Variants in FRMD4B observed in about 807,000 individuals in gnomAD.
The protein encoded by FRMD4B is FERM domain containing 4B.
A neutral mutation model predicts 141.5 loss-of-function variants in FRMD4B; 74 were observed. The ratio of observed to expected loss-of-function variants is 0.52; its 90% CI spans 0.43 to 0.63. FRMD4B has a LOEUF of 0.63. FRMD4B is among the 30% of genes least tolerant of loss of function. The probability of loss-of-function intolerance (pLI) is 0.00; values close to 1 mark genes in which losing one functional copy is unlikely to be tolerated. For missense variants in FRMD4B, 1,366 were observed against 1,253.4 expected (o/e 1.09, Z -1.36); for synonymous variants, 506 against 467.9 (o/e 1.08, Z -1.05).
At chr3:69,450,699 A>G (rs992951151) in intron 1 of FRMD4B, among the ~76,000 whole-genome samples, 1 of 151,646 alleles carries the variant, frequency 6.6e-6, no homozygotes, top group South Asian at 2.1e-4. Flanking sequence ...AGTTGCAGTG[A>G]GCCAAGATTG....
intron 1 of FRMD4B, among the ~76,000 whole-genome samples, chr3:69,533,050 G>T (rs907840567): frequency 6.6e-6 from 1 of 152,214 alleles, no homozygotes; most frequent in Non-Finnish European, 1.5e-5. Context: ...TATTTGAGGG[G>T]CAGTTTTACA....
At chr3:69,419,515 TTCACTGGC>T (rs58014530) in intron 2 of FRMD4B, among the ~76,000 whole-genome samples, 1 of 151,592 alleles carries the variant, frequency 6.6e-6, no homozygotes, top group African/African-American at 2.4e-5. Context: ...TCAGTTATCC[TTCACTGGC>T]TCACTGGCTA....
At chr3:69,291,188 G>A (rs1700860900) in intron 4 of FRMD4B, among the ~76,000 whole-genome samples, 1 of 152,156 alleles carries the variant, frequency 6.6e-6, no homozygotes, top group African/African-American at 2.4e-5. Flanking sequence ...TCCTAGGTCA[G>A]ATTAGTAGAA....
chr3:69,205,162 T>TC lies in FRMD4B; in HGVS notation c.877-6389dup, dbSNP rs540232131. Among the ~76,000 whole-genome samples the TC allele has an allele frequency of 2.8e-3, 408 of 146,332 alleles. 1 individual carries two copies. Among genetic ancestry groups the TC allele is most frequent in the African/African-American group, 9.6e-3 (379 of 39,546 alleles). ...CAGCCATTTGCGGGATAGGACTGAG[T>TC]CCCCCCCCTTTTTTTTTTGTATGAG... On this transcript the variant is annotated intron_variant, in intron 11 of 22. Coordinates refer to ENST00000398540, the MANE Select transcript of FRMD4B (RefSeq NM_015123.3).
intron 1 of FRMD4B, among the ~76,000 whole-genome samples, chr3:69,490,558 C>A (rs530264915): frequency 8.0e-4 from 122 of 152,294 alleles, no homozygotes; most frequent in Non-Finnish European, 2.1e-4. Context: ...CACTGAGGTT[C>A]AACTCAAAAG....
At position 69,524,626 on chromosome 3, in the gene FRMD4B, C is replaced by T. The variant is rs138609785; in HGVS notation, c.-129+17580G>A. ...AAGGTAGGGGAACCCATATCCCTTC[C>T]ATATTGATGCTCTGCCATCCTATGG... is the stretch of plus-strand genomic sequence containing the variant. On this transcript the variant is annotated intron_variant, in intron 1 of 5. Coordinates refer to the FRMD4B transcript ENST00000459638. 4.9e-3 allele frequency among the ~76,000 whole-genome samples: 751 copies of T among 152,306 alleles called. 30 individuals carry two copies. Among genetic ancestry groups the T allele is most frequent in the Non-Finnish European group, 1.2e-3 (79 of 68,030 alleles).
chr3:69,496,935 C>T (rs1706411824), intron 1 of FRMD4B, among the ~76,000 whole-genome samples: 1 of 151,702 alleles, frequency 6.6e-6, no homozygotes, highest in Non-Finnish European at 1.5e-5. Flanking sequence ...GCTCTTCTCC[C>T]AATAACAGCT....
intron 20 of FRMD4B, among the ~76,000 whole-genome samples, chr3:69,182,076 G>A (rs2092714237): frequency 1.3e-5 from 2 of 152,286 alleles, no homozygotes; most frequent in Admixed American, 6.5e-5. Flanking sequence ...CTTCCTAGAG[G>A]ATATGAAGAT....
At chr3:69,182,269 T>C (rs773634190) in intron 20 of FRMD4B, among the ~76,000 whole-genome samples, 6 of 152,164 alleles carry the variant, frequency 3.9e-5, no homozygotes, top group Non-Finnish European at 7.3e-5. Flanking sequence ...GACTAAATAA[T>C]CCAGTGAATA....
chr3:69,332,802 G>A (rs1365670914), intron 1 of FRMD4B, among the ~76,000 whole-genome samples: 3 of 120,822 alleles, frequency 2.5e-5, no homozygotes, highest in African/African-American at 9.9e-5. Flanking sequence ...TGCCCAGGCT[G>A]TTCTCAAACT....
intron 1 of FRMD4B, among the ~76,000 whole-genome samples, chr3:69,460,002 G>C (rs1705686054): frequency 6.6e-6 from 1 of 152,142 alleles, no homozygotes; most frequent in South Asian, 2.1e-4. Context: ...ATTGTGCTTG[G>C]TTTATAGTAA....
chr3:69,245,839 T>G (rs1158529873), intron 7 of FRMD4B, among the ~76,000 whole-genome samples: 7 of 136,740 alleles, frequency 5.1e-5, no homozygotes, highest in Admixed American at 1.4e-4. Flanking sequence ...AATTTGTTTT[T>G]TTTTTTTTTT....
At chr3:69,265,289 T>A (rs868721629) in intron 5 of FRMD4B, among the ~76,000 whole-genome samples, 4,646 of 40,144 alleles carry the variant, frequency 0.12, 1,212 homozygotes, top group Non-Finnish European at 0.16. Flanking sequence ...TATATATATA[T>A]ATATATATAT....
Position 69,216,252 on chromosome 3 carries a change from T to C in FRMD4B, c.876+11A>G. The C allele has an allele frequency of 2.2e-6, 3 of 1,383,266 alleles. No individual in the cohort carries two copies. The highest frequency in any genetic ancestry group is 3.0e-6 in the Non-Finnish European group (3 of 984,464). The allele number at this position is 1,383,266 out of a possible 1,614,324, so 85.7% of individuals were successfully genotyped here. A position where few individuals can be genotyped will look rare whatever the true frequency, so the allele number is the denominator to read the frequency against. On this transcript the variant is annotated intron_variant, in intron 11 of 22. Coordinates refer to ENST00000398540, the MANE Select transcript of FRMD4B (RefSeq NM_015123.3). Reference sequence around the variant, plus strand: ...ACAGTTCAAAGTTCTCCTAAAGTGATCCACACTTACCTTCCGAGGCTTCAC... The same window carrying C: ...ACAGTTCAAAGTTCTCCTAAAGTGACCCACACTTACCTTCCGAGGCTTCAC...
chr3:69,403,983 A>T (rs966987081), intron 2 of FRMD4B, among the ~76,000 whole-genome samples: 3 of 152,118 alleles, frequency 2.0e-5, no homozygotes, highest in African/African-American at 7.2e-5. Flanking sequence ...ACAGCCTTGA[A>T]TTCCTGGGCT....
At chr3:69,212,471 T>G (rs1354538376) in intron 11 of FRMD4B, among the ~76,000 whole-genome samples, 1 of 147,856 alleles carries the variant, frequency 6.8e-6, no homozygotes, top group Non-Finnish European at 1.5e-5. Context: ...GTTTTGGAAC[T>G]GAAATAAAAA....
chr3:69,477,380 C>G (rs566162171), intron 1 of FRMD4B, among the ~76,000 whole-genome samples: 1 of 147,344 alleles, frequency 6.8e-6, no homozygotes, highest in Non-Finnish European at 1.5e-5. Flanking sequence ...TACGTCCCAT[C>G]AATACCTAAT....
intron 1 of FRMD4B, among the ~76,000 whole-genome samples, chr3:69,531,793 A>G (rs950674385): frequency 3.9e-5 from 6 of 152,220 alleles, no homozygotes; most frequent in African/African-American, 9.6e-5. Flanking sequence ...TAGAAAGTAC[A>G]ATGAGAACCA....
intron 11 of FRMD4B, among the ~76,000 whole-genome samples, chr3:69,208,449 G>A (rs751743757): frequency 9.2e-5 from 14 of 151,978 alleles, no homozygotes; most frequent in Non-Finnish European, 1.6e-4. Context: ...ATCCGCCTAC[G>A]TCGGCTTCCC....
Sources: allele counts gnomAD v4.1 joint callset (sites outside exome capture counted in the v4.1 genomes callset), GRCh38; gene constraint gnomAD v4.1.1; transcripts MANE v1.5; gene names NCBI Gene and HGNC (gene_info 2026-07-23, HGNC 2026-07-21).